The following ORC1 variants were observed in gnomAD, a reference collection of about 807,000 sequenced individuals.
ORC1 encodes origin recognition complex, subunit 1 homolog.
ORC1 carries 61 observed loss-of-function variants against 98.9 expected under a neutral mutation model. That is an observed-to-expected ratio of 0.62 (90% confidence interval 0.50 to 0.76). The LOEUF (loss-of-function observed/expected upper bound fraction) is 0.76. ORC1 is among the 30% of genes least tolerant of loss of function. The pLI is 0.00. For synonymous variants in ORC1, 385 were observed against 406.9 expected, an observed-to-expected ratio of 0.95 and a Z score of 0.65; for missense variants, 979 against 1,072.2, an observed-to-expected ratio of 0.91 and a Z score of 1.21.
intron 6 of ORC1, among the ~76,000 whole-genome samples, chr1:52,392,252 C>T (rs2147935759): frequency 6.6e-6 from 1 of 152,102 alleles, no homozygotes; most frequent in East Asian, 1.9e-4. Flanking sequence ...GCCTCAGCCT[C>T]CCAAGTAGCT....
At chr1:52,373,423 G>A (rs749729735) in intron 16 of ORC1, 48 bp from the exon 17 acceptor site, 3 of 1,515,284 alleles carry the variant, frequency 2.0e-6, no homozygotes, top group Non-Finnish European at 2.7e-6. Context: ...ACAATCCTGG[G>A]GCTTTTTCTG....
In ORC1 at chr1:52,389,264, G is replaced by A. The variant is rs1237749517; in HGVS notation, c.1140C>T (p.Arg380=). Residue 380 remains arginine, a synonymous_variant, in exon 7 of 17, where the codon CGC becomes CGT. Transcript: ENST00000371568. ...TCATAGTCAAGACAGAACTCTTTCT[G>A]CGGATACGATGGGGAGTAGAGGTCG... ...NEATSTPHRI[R]RKSSVLTMNR... The A allele has an allele frequency of 6.2e-7, 1 of 1,614,154 alleles. No homozygotes were observed. The highest frequency in any genetic ancestry group is 1.7e-5 in the Admixed American group (1 of 60,018).
intron 4 of ORC1, among the ~76,000 whole-genome samples, chr1:52,397,132 C>T (rs915663478): frequency 1.3e-5 from 2 of 152,168 alleles, no homozygotes; most frequent in South Asian, 2.1e-4. Flanking sequence ...TCTACCCTAA[C>T]GCTCAATGAA....
intron 3 of ORC1, 36 bp from the exon 4 acceptor site, chr1:52,397,899 C>T: frequency 1.9e-6 from 3 of 1,581,354 alleles, no homozygotes; most frequent in South Asian, 1.1e-5. Flanking sequence ...AAGGTTAAGA[C>T]AACTCAAGGA....
intron 6 of ORC1, 21 bp from the exon 7 acceptor site, chr1:52,389,342 G>T (rs761115253): frequency 6.3e-7 from 1 of 1,590,408 alleles, no homozygotes; most frequent in South Asian, 1.1e-5. Context: ...CCACAGCGAG[G>T]TCACGGGAAG....
intron 14 of ORC1, among the ~76,000 whole-genome samples, chr1:52,378,806 A>G (rs6684941): frequency 0.25 from 37,695 of 151,906 alleles, 10,048 homozygotes; most frequent in African/African-American, 0.67. Context: ...GACCAAGGCA[A>G]GCAGATCACG....
At chr1:52,407,129 T>C (rs1291668898), upstream of ORC1, among the ~76,000 whole-genome samples, 1 of 152,210 alleles carries the variant, frequency 6.6e-6, no homozygotes, top group African/African-American at 2.4e-5. Context: ...GCCATTCTCC[T>C]GCCTCAGCCT....
intron 14 of ORC1, among the ~76,000 whole-genome samples, chr1:52,378,344 C>CAA (rs57755980): frequency 0.055 from 7,054 of 129,008 alleles, 187 homozygotes; most frequent in South Asian, 0.093. Context: ...GACTCCCTCT[C>CAA]AAAAAAAAAA....
chr1:52,378,480 T>TCTTGACATGTTC (rs1273595295), intron 14 of ORC1, among the ~76,000 whole-genome samples: 3 of 150,872 alleles, frequency 2.0e-5, no homozygotes, highest in Admixed American at 2.0e-4. Flanking sequence ...GACAACATGG[T>TCTTGACATGTTC]AAAACTCCGC....
intron 1 of ORC1, 113 bp from the exon 2 acceptor site, chr1:52,402,341 C>A: frequency 1.3e-6 from 1 of 776,666 alleles, no homozygotes; most frequent in South Asian, 1.4e-5. Context: ...TATTTTCTGC[C>A]CCTGCTACAC....
rs140536267 is a variant in ORC1 at position 52,383,420 on chromosome 1, C to G, written c.2013G>C (p.Leu671=). ...GCATGGGAACTGCCCTAGAACCTAC[C>G]AGTCGGCTGGACACCCGGTTCATCA... ...RIMMNRVSSR[L]GLTRMCFQPY... The change falls in exon 13 of 17, where the codon CTG becomes CTC. Residue 671 remains leucine (L), a splice_region_variant and synonymous_variant. Transcript: ENST00000371568. 4.3e-5 allele frequency: 70 copies of G among 1,612,280 alleles called. No homozygotes were observed. Among genetic ancestry groups the G allele is most frequent in the Non-Finnish European group, 5.7e-5 (67 of 1,180,020 alleles).
chr1:52,391,017 C>G (rs1044224356), intron 6 of ORC1, among the ~76,000 whole-genome samples: 11 of 151,538 alleles, frequency 7.3e-5, no homozygotes, highest in African/African-American at 2.4e-4. Context: ...CATAAAAAAT[C>G]TAGAAGATAA....
At chr1:52,379,764 C>G (rs1569910928) in intron 14 of ORC1, among the ~76,000 whole-genome samples, 1 of 151,798 alleles carries the variant, frequency 6.6e-6, no homozygotes, top group South Asian at 2.1e-4. Context: ...TAAACCCTGT[C>G]TCTACTAAAA....
chr1:52,375,342 A>G (rs954089618), intron 15 of ORC1, 88 bp downstream of exon 15: 10 of 1,140,878 alleles, frequency 8.8e-6, no homozygotes, highest in Non-Finnish European at 1.3e-5. Context: ...TGTGTTATTA[A>G]TAAGTGCAGG....
Position 52,375,550 on chromosome 1 carries a change from C to T in ORC1, c.2183G>A (p.Arg728His), listed in dbSNP as rs139719426. The T allele has an allele frequency of 2.7e-5, 44 of 1,614,088 alleles. No individual in the cohort carries two copies. Among genetic ancestry groups the T allele is most frequent in the East Asian group, 6.7e-5 (3 of 44,878 alleles). The change falls in exon 15 of 17, where the codon CGT becomes CAT. Residue 728 changes from arginine (R) to histidine (H), a missense_variant. By Grantham distance (29) the Arg-to-His change is conservative. Coordinates refer to ENST00000371568, the MANE Select transcript of ORC1 (RefSeq NM_004153.4). ...GGAGAACTCACAGATCTCTGTGGCACGCCTGCAGATGTCCAGGCACCGTCG... is the reference window on the plus strand; with the variant it reads ...GGAGAACTCACAGATCTCTGTGGCATGCCTGCAGATGTCCAGGCACCGTCG... ...DARRCLDICRRATEICEFSQQ... is the reference protein window; with the variant it reads ...DARRCLDICRHATEICEFSQQ...
intron 14 of ORC1, among the ~76,000 whole-genome samples, chr1:52,378,147 C>A (rs1252332634): frequency 6.6e-6 from 1 of 151,984 alleles, no homozygotes; most frequent in Non-Finnish European, 1.5e-5. Flanking sequence ...GAGATAGAGA[C>A]CATCCTGGCT....
intron 1 of ORC1, among the ~76,000 whole-genome samples, chr1:52,403,074 T>C (rs184001634): frequency 1.1e-4 from 16 of 152,362 alleles, no homozygotes; most frequent in Middle Eastern, 3.4e-3. Flanking sequence ...AATATGTAAC[T>C]GAGAGCTTGC....
intron 10 of ORC1, 22 bp downstream of exon 10, chr1:52,385,139 C>T (rs748147730): frequency 6.7e-7 from 1 of 1,503,066 alleles, no homozygotes; most frequent in South Asian, 1.1e-5. Context: ...CCAAACTACC[C>T]TGCCTGCCTC....
chr1:52,382,064 C>T (rs897413430), intron 13 of ORC1, among the ~76,000 whole-genome samples: 11 of 152,026 alleles, frequency 7.2e-5, no homozygotes, highest in African/African-American at 2.4e-4. Context: ...CTGCAAGCTC[C>T]GCCTCCTGGG....
Sources: allele counts gnomAD v4.1 joint callset (sites outside exome capture counted in the v4.1 genomes callset), GRCh38; gene constraint gnomAD v4.1.1; transcripts MANE v1.5; gene names NCBI Gene and HGNC (gene_info 2026-07-23, HGNC 2026-07-21).